ZRANB1: variants seen among roughly 807,000 people sequenced by gnomAD.
The protein encoded by ZRANB1 is zinc finger RANBP2-type containing 1, also known as ubiquitin thioesterase ZRANB1.
In ZRANB1, 16 loss-of-function variants were observed where a neutral mutation model predicts 80.5. That is an observed-to-expected ratio of 0.20 (90% CI 0.13 to 0.30). The LOEUF (loss-of-function observed/expected upper bound fraction) is 0.30, where lower values mean the gene tolerates loss of function less well. Ranked by LOEUF, ZRANB1 falls within the 10% of genes least tolerant of loss-of-function variation. ZRANB1 has a pLI of 1.00. For missense variants in ZRANB1, 576 were observed against 862.6 expected (o/e 0.67, Z 4.16); for synonymous variants, 291 against 293.1 (o/e 0.99, Z 0.07).
chr10:124,929,995 T>G, the ZRANB1 span, among the ~76,000 whole-genome samples: 1 of 150,400 alleles, frequency 6.6e-6, no homozygotes, highest in South Asian at 2.1e-4. Flanking sequence ...GGAAGGTACC[T>G]GAGGATTCAA....
chr10:124,981,582 A>G (rs2133996828), intron 5 of ZRANB1, 127 bp from the exon 6 acceptor site: 1 of 920,330 alleles, frequency 1.1e-6, no homozygotes. Context: ...TACCAACCAG[A>G]CAAAATAAAA....
intron 1 of ZRANB1, among the ~76,000 whole-genome samples, chr10:124,966,339 C>G (rs1255353260): frequency 6.6e-6 from 1 of 151,764 alleles, no homozygotes; most frequent in African/African-American, 2.4e-5. Flanking sequence ...CCTAATAGTT[C>G]CTCTAAATCT....
chr10:124,919,596 T>G, the ZRANB1 span, among the ~76,000 whole-genome samples: 1 of 151,336 alleles, frequency 6.6e-6, no homozygotes, highest in African/African-American at 2.4e-5. Flanking sequence ...GTTTTTTTTT[T>G]TTTCCTCCTC....
chr10:124,918,364 A>G, the ZRANB1 span, among the ~76,000 whole-genome samples: 5 of 151,896 alleles, frequency 3.3e-5, no homozygotes, highest in Admixed American at 6.6e-5. Flanking sequence ...CTAATTTTGT[A>G]TTTTTAGTAG....
intron 1 of ZRANB1, among the ~76,000 whole-genome samples, chr10:124,958,882 C>T (rs1375338925): frequency 2.0e-5 from 3 of 152,220 alleles, no homozygotes; most frequent in Non-Finnish European, 4.4e-5. Context: ...GAAAAATACA[C>T]ATCTCCAGTC....
At chr10:124,922,101 C>G in the ZRANB1 span, among the ~76,000 whole-genome samples, 11 of 151,448 alleles carry the variant, frequency 7.3e-5, no homozygotes, top group African/African-American at 2.4e-4. Context: ...ACCATTGTGC[C>G]TGGCTTTTTA....
At chr10:124,981,645 G>T in intron 5 of ZRANB1, 64 bp from the exon 6 acceptor site, 1 of 1,403,248 alleles carries the variant, frequency 7.1e-7, no homozygotes, top group South Asian at 1.4e-5. Context: ...AAAATGATCA[G>T]AACTTTAAAT....
At chr10:124,981,948 G>A (rs1564968590) in intron 6 of ZRANB1, 119 bp downstream of exon 6, 2 of 1,256,634 alleles carry the variant, frequency 1.6e-6, no homozygotes, top group Non-Finnish European at 2.2e-6. Context: ...GCTTGACGTG[G>A]TATCATCAGT....
At chr10:124,917,185 G>A in the ZRANB1 span, 2 of 162,258 alleles carry the variant, frequency 1.2e-5, no homozygotes, top group African/African-American at 2.6e-5. Context: ...CGCCGCTGCC[G>A]CCGCCGCCGC....
chr10:124,967,293 A>G (rs773400059), intron 2 of ZRANB1, among the ~76,000 whole-genome samples: 1 of 152,168 alleles, frequency 6.6e-6, no homozygotes, highest in Non-Finnish European at 1.5e-5. Flanking sequence ...GAAGAGAAAG[A>G]GTTAGGAGTT....
the ZRANB1 span, among the ~76,000 whole-genome samples, chr10:124,918,947 G>C: frequency 6.6e-6 from 1 of 152,070 alleles, no homozygotes; most frequent in South Asian, 2.1e-4. Context: ...TATTTCTGTT[G>C]CTGTTTCGAT....
At chr10:124,957,952 A>C (rs1589846149) in intron 1 of ZRANB1, among the ~76,000 whole-genome samples, 1 of 151,326 alleles carries the variant, frequency 6.6e-6, no homozygotes, top group African/African-American at 2.4e-5. Flanking sequence ...CTGGTCTCGA[A>C]CTCCTGGCCT....
the ZRANB1 span, among the ~76,000 whole-genome samples, chr10:124,917,663 C>G: frequency 6.6e-6 from 1 of 152,196 alleles, no homozygotes; most frequent in South Asian, 2.1e-4. Context: ...GGGTCCATCG[C>G]CACAAGTTGG....
At position 124,953,858 on chromosome 10, in the gene ZRANB1, CTTT is replaced by C. The variant is rs36019506; in HGVS notation, c.814+10554_814+10556del. On this transcript the variant is annotated intron_variant, in intron 1 of 8. Coordinates refer to ENST00000359653, the MANE Select transcript of ZRANB1 (RefSeq NM_017580.3). ...GTGAAGTTGTTCACAGTTATGGCTA[CTTT>C]TTAAGTGCTGGGTTATGAACTCTGA... is the stretch of plus-strand genomic sequence containing the variant. Among the ~76,000 whole-genome samples the C allele has an allele frequency of 2.0e-5, 3 of 151,988 alleles. No individual in the cohort carries two copies. In the East Asian group the frequency reaches 5.8e-4, roughly 29 times the overall value.
chr10:124,955,132 C>A (rs1351643207), intron 1 of ZRANB1, among the ~76,000 whole-genome samples: 1 of 150,652 alleles, frequency 6.6e-6, no homozygotes, highest in Non-Finnish European at 1.5e-5. Flanking sequence ...CTCAAAAAAA[C>A]AAACAAAAAC....
chr10:124,955,009 G>C (rs1007576333), intron 1 of ZRANB1, among the ~76,000 whole-genome samples: 3 of 150,768 alleles, frequency 2.0e-5, no homozygotes, highest in African/African-American at 7.3e-5. Context: ...GGCGCCCGTA[G>C]TCCCAGCTAC....
At chr10:124,920,286 C>T in the ZRANB1 span, among the ~76,000 whole-genome samples, 3 of 152,186 alleles carry the variant, frequency 2.0e-5, no homozygotes, top group Admixed American at 2.0e-4. Context: ...CAATAATAAT[C>T]TCTTGTGTCT....
the ZRANB1 span, among the ~76,000 whole-genome samples, chr10:124,925,033 G>C: frequency 6.6e-6 from 1 of 151,740 alleles, no homozygotes; most frequent in East Asian, 1.9e-4. Context: ...TCAGCTTCCT[G>C]AGTAGCTGGG....
the ZRANB1 span, among the ~76,000 whole-genome samples, chr10:124,923,904 A>G: frequency 9.2e-4 from 139 of 151,830 alleles, 5 homozygotes; most frequent in African/African-American, 3.2e-3. Flanking sequence ...GAGCCAAACC[A>G]TATAACTGGG....
Sources: allele counts gnomAD v4.1 joint callset (sites outside exome capture counted in the v4.1 genomes callset), GRCh38; gene constraint gnomAD v4.1.1; transcripts MANE v1.5; gene names NCBI Gene and HGNC (gene_info 2026-07-23, HGNC 2026-07-21).